IRS1: variants seen among roughly 807,000 people sequenced by gnomAD.
IRS1 encodes the protein insulin receptor substrate 1.
A neutral mutation model predicts 65.6 loss-of-function variants in IRS1; 34 were observed. The ratio of observed to expected loss-of-function variants is 0.52; its 90% CI spans 0.39 to 0.69. The LOEUF is 0.69. Among genes scored for constraint, IRS1 ranks in the 30% least tolerant of loss-of-function variants. The pLI is 0.00. For synonymous variants in IRS1, 699 were observed against 683.5 expected (o/e 1.02, Z -0.35); for missense variants, 1,641 against 1,720.2 (o/e 0.95, Z 0.81).
chr2:226,787,661 T>A (rs777280731), intron 1 of IRS1, among the ~76,000 whole-genome samples: 2 of 152,088 alleles, frequency 1.3e-5, no homozygotes, highest in African/African-American at 2.4e-5. Context: ...ATAATTTATG[T>A]TAGGGTTGAG....
At position 226,796,276 on chromosome 2, in the gene IRS1, G is replaced by A. The variant is rs186876884; in HGVS notation, c.2463C>T (p.Cys821=). 8.7e-6 allele frequency: 14 copies of A among 1,613,488 alleles called. No homozygotes were observed. Among genetic ancestry groups the A allele is most frequent in the East Asian group, 6.7e-5 (3 of 44,884 alleles). Reference sequence around the variant, plus strand: ...GAAGGCTGGGCTCCAGCCTAGCCCCGCAGTATCCCCCACCCAGGCTGTCGC... The same window carrying A: ...GAAGGCTGGGCTCCAGCCTAGCCCCACAGTATCCCCCACCCAGGCTGTCGC... The part of the protein sequence containing the change: ...TSSDSLGGGY[C]GARLEPSLPH... The change falls in exon 1 of 2, where the codon TGC becomes TGT. Residue 821 remains cysteine, a synonymous_variant. Coordinates refer to ENST00000305123, the MANE Select transcript of IRS1 (RefSeq NM_005544.3).
chr2:226,798,875 G>C lies in IRS1; in HGVS notation c.-137C>G. On this transcript the variant is annotated 5_prime_UTR_variant, in exon 1 of 2. Coordinates refer to ENST00000305123, the MANE Select transcript of IRS1 (RefSeq NM_005544.3). This position sits in a 1 kb window ranked among gnomAD's most constrained non-coding sequence, Gnocchi z 9.4. ...CAGAAACCCCGACTCTGAAATCCAC[G>C]CCGCCCCCCGCGCCGGGGAGGGGCA... 1.3e-6 allele frequency: 2 copies of C among 1,522,504 alleles called. No individual in the cohort carries two copies. Among genetic ancestry groups the C allele is most frequent in the Non-Finnish European group, 8.8e-7 (1 of 1,131,900 alleles). 94.3% of individuals were successfully genotyped at this position (1,522,504 alleles called of 1,614,324 possible). A position where few individuals can be genotyped will look rare whatever the true frequency, so the allele number is the denominator to read the frequency against.
chr2:226,769,438 T>C (rs529968245), intron 1 of IRS1, among the ~76,000 whole-genome samples: 8 of 152,264 alleles, frequency 5.3e-5, no homozygotes, highest in Admixed American at 3.3e-4. Context: ...ATTAGATCTA[T>C]GGAAGACTAG....
intron 1 of IRS1, among the ~76,000 whole-genome samples, chr2:226,743,719 G>A (rs928994862): frequency 1.3e-5 from 2 of 152,084 alleles, no homozygotes; most frequent in Non-Finnish European, 2.9e-5. Flanking sequence ...GGTTTCTATT[G>A]TAATTTCACA....
chr2:226,768,443 A>G (rs1421524750), intron 1 of IRS1, among the ~76,000 whole-genome samples: 1 of 152,226 alleles, frequency 6.6e-6, no homozygotes, highest in East Asian at 1.9e-4. Flanking sequence ...ATACAAATAT[A>G]TTTTATAAAG....
chr2:226,770,673 T>G (rs146594588), intron 1 of IRS1, among the ~76,000 whole-genome samples: 13 of 152,286 alleles, frequency 8.5e-5, no homozygotes, highest in Non-Finnish European at 1.5e-4. Context: ...AGACAAAGCA[T>G]TTTACACATG....
At chr2:226,772,515 T>C (rs1049153747) in intron 1 of IRS1, among the ~76,000 whole-genome samples, 1 of 152,114 alleles carries the variant, frequency 6.6e-6, no homozygotes, top group Admixed American at 6.5e-5. Flanking sequence ...ACAGAATCAA[T>C]ACTATCCACA....
rs1939350270 is a variant in IRS1, at chr2:226,780,002, C to T, written c.*21+14987G>A. Among the ~76,000 whole-genome samples the T allele has an allele frequency of 4.6e-5, 7 of 152,076 alleles. No homozygotes were observed. The South Asian group carries it at 1.5e-3, about 32-fold the overall frequency. ...CCTTATGCATATTTTAGTAGAGGGG[C>T]TAATTAGCAACAAAGAGGAAGAAAA... On this transcript the variant is annotated intron_variant, in intron 1 of 1. Coordinates refer to ENST00000305123, the MANE Select transcript of IRS1 (RefSeq NM_005544.3).
In IRS1 at chr2:226,795,724, C is replaced by T. The variant is rs761897696; in HGVS notation, c.3015G>A (p.Ser1005=). ...SCPRQSYVDT[S]PAAPVSYADM... ...CAGCATAGCTTACAGGGGCAGCTGG[C>T]GAGGTGTCCACGTAGCTCTGACGGG... Residue 1005 remains serine (S), a synonymous_variant, in exon 1 of 2, where the codon TCG becomes TCA. Transcript: ENST00000305123. 4.8e-5 allele frequency: 78 copies of T among 1,613,264 alleles called. No homozygotes were observed. The South Asian group carries it at 5.8e-4, about 12-fold the overall frequency.
intron 1 of IRS1, among the ~76,000 whole-genome samples, chr2:226,747,062 T>C (rs1394381431): frequency 2.0e-5 from 3 of 152,110 alleles, no homozygotes; most frequent in Admixed American, 6.5e-5. Context: ...AGTGCTGGGA[T>C]TGCAGGTGTG....
At chr2:226,768,000 C>A (rs1192065589) in intron 1 of IRS1, among the ~76,000 whole-genome samples, 2 of 152,122 alleles carry the variant, frequency 1.3e-5, no homozygotes, top group Non-Finnish European at 2.9e-5. Context: ...CCCTGTGAGA[C>A]CCTAGCTTAC....
At chr2:226,736,638 CTG>C (rs1938331739) in intron 1 of IRS1, among the ~76,000 whole-genome samples, 1 of 134,342 alleles carries the variant, frequency 7.4e-6, no homozygotes, top group Admixed American at 8.4e-5. Context: ...GTATCTCCTT[CTG>C]GTTGAAAGTC....
Position 226,734,622 on chromosome 2 carries a change from A to G in IRS1, c.*1650T>C, listed in dbSNP as rs1008334416. On this transcript the variant is annotated 3_prime_UTR_variant, in exon 2 of 2. Coordinates refer to ENST00000305123, the MANE Select transcript of IRS1 (RefSeq NM_005544.3). Reference sequence around the variant, plus strand: ...GAGAAATAAAATGTTGCTCCTCCCAATAGTAGGGATGCGAATTCCTGATAG... The same window carrying G: ...GAGAAATAAAATGTTGCTCCTCCCAGTAGTAGGGATGCGAATTCCTGATAG... 2 of 152,170 alleles carry G rather than the reference A, an allele frequency of 1.3e-5. No individual in the cohort carries two copies. Among genetic ancestry groups the G allele is most frequent in the Admixed American group, 6.5e-5 (1 of 15,272 alleles). 9.4% of individuals were successfully genotyped at this position (152,170 alleles called of 1,614,324 possible).
At position 226,795,411 on chromosome 2, in the gene IRS1, C is replaced by T; in HGVS notation, c.3328G>A (p.Ala1110Thr). The T allele has an allele frequency of 1.9e-6, 3 of 1,613,492 alleles. No individual in the cohort carries two copies. In the South Asian group the frequency reaches 3.3e-5, roughly 18 times the overall value. ...GGCACTGTGTTGCCCACCCGGGTGG[C>T]ACTGGGTGTTGAGGAGAAAGTCTCG... The part of the protein sequence containing the change: ...SSETFSSTPS[A>T]TRVGNTVPFG... Residue 1110 changes from alanine to threonine, a missense_variant, in exon 1 of 2, where the codon GCC (alanine) becomes ACC (threonine). This residue lies in a region of IRS1 where 1,324 missense variants were observed against 1,361.0 expected (regional missense o/e 0.97). Transcript: ENST00000305123.
chr2:226,736,981 A>G (rs13427008), intron 1 of IRS1, among the ~76,000 whole-genome samples: 18,707 of 151,558 alleles, frequency 0.12, 1,820 homozygotes, highest in African/African-American at 0.26. Context: ...TAGGGTACAC[A>G]TGCACATTGT....
At chr2:226,756,166 G>A (rs1938797330) in intron 1 of IRS1, among the ~76,000 whole-genome samples, 1 of 152,178 alleles carries the variant, frequency 6.6e-6, no homozygotes. Flanking sequence ...ACAAGATTTA[G>A]GGGCCCTGAA....
chr2:226,786,005 G>C (rs1158116468), intron 1 of IRS1, among the ~76,000 whole-genome samples: 1 of 144,732 alleles, frequency 6.9e-6, no homozygotes, highest in African/African-American at 2.6e-5. Context: ...TTGGTTTTTT[G>C]TCCTTGCGAT....
At chr2:226,754,616 G>A (rs1938758763) in intron 1 of IRS1, among the ~76,000 whole-genome samples, 1 of 152,114 alleles carries the variant, frequency 6.6e-6, no homozygotes, top group Admixed American at 6.6e-5. Flanking sequence ...TATAGACAAT[G>A]CTATAAAAAG....
chr2:226,735,322 A>C lies in IRS1; in HGVS notation c.*950T>G, dbSNP rs1234238877. On this transcript the variant is annotated 3_prime_UTR_variant, in exon 2 of 2. Transcript: ENST00000305123. ...CCAAAGAGAGCTTTTGAATTGAAGG[A>C]ATCACCCATCTCCTTCTGTTTACAA... 1.3e-5 allele frequency: 2 copies of C among 152,196 alleles called. No homozygotes were observed. Among genetic ancestry groups the C allele is most frequent in the African/African-American group, 4.8e-5 (2 of 41,456 alleles). 9.4% of individuals were successfully genotyped at this position (152,196 alleles called of 1,614,324 possible).
Sources: allele counts gnomAD v4.1 joint callset (sites outside exome capture counted in the v4.1 genomes callset), GRCh38; gene constraint gnomAD v4.1.1; regional missense constraint gnomAD v4.1.1; non-coding constraint Gnocchi (gnomAD v3.1); transcripts MANE v1.5; gene names NCBI Gene and HGNC (gene_info 2026-07-23, HGNC 2026-07-21).